ST7: variants seen among roughly 807,000 people sequenced by gnomAD.
The protein encoded by ST7 is suppression of tumorigenicity 7.
In ST7, 28 loss-of-function variants were observed where a neutral mutation model predicts 78.7. The observed-to-expected ratio is 0.36, with a 90% confidence interval of 0.26 to 0.49. The LOEUF is 0.49. Among genes scored for constraint, ST7 ranks in the 20% least tolerant of loss-of-function variants. The pLI is 0.99. For missense variants in ST7, 418 were observed against 696.0 expected, an observed-to-expected ratio of 0.60 and a Z score of 4.49; for synonymous variants, 247 against 249.6, an observed-to-expected ratio of 0.99 and a Z score of 0.10.
intron 1 of ST7, among the ~76,000 whole-genome samples, chr7:117,006,071 G>A (rs1402900108): frequency 6.6e-6 from 1 of 152,176 alleles, no homozygotes; most frequent in Non-Finnish European, 1.5e-5. Flanking sequence ...GAGGCACAGA[G>A]TTGCCTAAAG....
At chr7:117,102,563 A>G (rs1401595886) in intron 2 of ST7, among the ~76,000 whole-genome samples, 1 of 152,222 alleles carries the variant, frequency 6.6e-6, no homozygotes, top group African/African-American at 2.4e-5. Context: ...TGAATCTCTC[A>G]ATCCAAAGGT....
chr7:117,186,641 C>T (rs1422470931), intron 10 of ST7, among the ~76,000 whole-genome samples: 2 of 152,180 alleles, frequency 1.3e-5, no homozygotes, highest in African/African-American at 2.4e-5. Flanking sequence ...ATATTTGGTG[C>T]ATATTATTCC....
At chr7:117,025,982 G>A (rs1796163831) in intron 1 of ST7, among the ~76,000 whole-genome samples, 1 of 151,998 alleles carries the variant, frequency 6.6e-6, no homozygotes, top group African/African-American at 2.4e-5. Context: ...CTATTTGTTA[G>A]TCTGTAGTTT....
At chr7:117,154,675 G>T (rs866133459) in intron 9 of ST7, among the ~76,000 whole-genome samples, 1 of 152,210 alleles carries the variant, frequency 6.6e-6, no homozygotes, top group Admixed American at 6.5e-5. Flanking sequence ...GGTTTACTGG[G>T]TAGTTTTGGC....
chr7:117,229,256 A>G (rs1793638578), intron 15 of ST7, among the ~76,000 whole-genome samples: 1 of 152,214 alleles, frequency 6.6e-6, no homozygotes, highest in African/African-American at 2.4e-5. Context: ...TGGCTCAGAA[A>G]GGAGCCCACG....
intron 1 of ST7, among the ~76,000 whole-genome samples, chr7:117,088,413 A>G (rs1800324013): frequency 1.3e-5 from 2 of 152,254 alleles, no homozygotes; most frequent in Non-Finnish European, 2.9e-5. Flanking sequence ...TAATAAATGT[A>G]GAGCATATAT....
At chr7:116,986,121 C>A (rs1311044480) in intron 1 of ST7, among the ~76,000 whole-genome samples, 1 of 152,244 alleles carries the variant, frequency 6.6e-6, no homozygotes, top group Non-Finnish European at 1.5e-5. Context: ...ATGTGAGCCA[C>A]CACGCCCAGC....
intron 12 of ST7, among the ~76,000 whole-genome samples, chr7:117,194,300 A>G (rs1287044796): frequency 1.3e-5 from 2 of 152,090 alleles, no homozygotes; most frequent in African/African-American, 2.4e-5. Flanking sequence ...TCATAATCTG[A>G]CCCAACTTGT....
At chr7:117,079,617 T>C (rs931719123) in intron 1 of ST7, among the ~76,000 whole-genome samples, 1 of 152,234 alleles carries the variant, frequency 6.6e-6, no homozygotes, top group Non-Finnish European at 1.5e-5. Context: ...AACTGAAATA[T>C]TTTTTGAAAA....
At chr7:117,163,972 A>G (rs555971811) in intron 9 of ST7, among the ~76,000 whole-genome samples, 92 of 152,270 alleles carry the variant, frequency 6.0e-4, no homozygotes, top group Non-Finnish European at 1.1e-3. Context: ...TGCAATCTGT[A>G]TCAAAATACC....
intron 1 of ST7, among the ~76,000 whole-genome samples, chr7:116,971,883 A>T (rs1290017943): frequency 6.6e-6 from 1 of 152,254 alleles, no homozygotes; most frequent in Non-Finnish European, 1.5e-5. Context: ...GGTAATCACA[A>T]ATGTGTACAT....
At position 117,208,902 on chromosome 7, in the gene ST7, G is replaced by GGGGTGT. The variant is rs1358721785; in HGVS notation, c.1255-884_1255-883insGGTGTG. Among the ~76,000 whole-genome samples, 210 of 139,888 alleles carry GGGGTGT rather than the reference G, an allele frequency of 1.5e-3. 2 individuals carry two copies. The highest frequency in any genetic ancestry group is 5.2e-3 in the African/African-American group (193 of 36,944). The allele number at this position is 139,888 out of a possible 152,430, so 91.8% of individuals were successfully genotyped here. On this transcript the variant is annotated intron_variant, in intron 12 of 15. Coordinates refer to ENST00000323984, the MANE Select transcript of ST7 (RefSeq NM_001369598.1). ...TGGTGGTGGGGTGGGTGTATGTGTG[G>GGGGTGT]GTGTGTGTGTGTGTGTGTGTGTGTG...
In ST7 at chr7:117,031,866, C is replaced by A. The variant is rs1028262374; in HGVS notation, c.152-67896C>A. On this transcript the variant is annotated intron_variant, in intron 1 of 15. Transcript: ENST00000323984. ...TATATCTATATCTATATCTATCTAT[C>A]TATCTATATATATATATTTTTTTTT... is the stretch of plus-strand genomic sequence containing the variant. 1.5e-3 allele frequency among the ~76,000 whole-genome samples: 192 copies of A among 125,640 alleles called. 8 individuals carry two copies. The highest frequency in any genetic ancestry group is 2.3e-3 in the Non-Finnish European group (140 of 61,214). 82.4% of individuals were successfully genotyped at this position (125,640 alleles called of 152,430 possible).
chr7:117,025,305 A>C (rs1796129810), intron 1 of ST7, among the ~76,000 whole-genome samples: 1 of 152,186 alleles, frequency 6.6e-6, no homozygotes, highest in African/African-American at 2.4e-5. Context: ...GCATCTAATT[A>C]TTACTAAATC....
chr7:117,027,604 G>A (rs777830245), intron 1 of ST7, among the ~76,000 whole-genome samples: 4 of 151,606 alleles, frequency 2.6e-5, no homozygotes, highest in African/African-American at 4.9e-5. Flanking sequence ...GACTCTGGGC[G>A]GGACATGGTG....
chr7:117,020,630 G>A, intron 1 of ST7: 1 of 1,550,362 alleles, frequency 6.5e-7, no homozygotes, highest in Non-Finnish European at 8.7e-7. Context: ...GAATCTTCAT[G>A]TAAGTAAATG....
intron 9 of ST7, among the ~76,000 whole-genome samples, chr7:117,148,151 A>T (rs1408134492): frequency 1.3e-5 from 2 of 152,000 alleles, no homozygotes; most frequent in Non-Finnish European, 2.9e-5. Context: ...CTGTTTATTA[A>T]TCTGTTTTTT....
At chr7:117,100,439 A>C (rs1006458107) in intron 2 of ST7, among the ~76,000 whole-genome samples, 2 of 152,110 alleles carry the variant, frequency 1.3e-5, no homozygotes, top group African/African-American at 4.8e-5. Context: ...GCGCCATTGC[A>C]CTCCAGCCTG....
chr7:117,197,743 A>G (rs1381368222), intron 12 of ST7, among the ~76,000 whole-genome samples: 1 of 152,236 alleles, frequency 6.6e-6, no homozygotes, highest in African/African-American at 2.4e-5. Context: ...TTGTGAGGCA[A>G]AACATTATAA....
Sources: gnomAD v4.1 joint callset for allele counts (sites outside exome capture counted in the v4.1 genomes callset) on GRCh38, gnomAD v4.1.1 for gene constraint, MANE v1.5 for transcripts, NCBI Gene and HGNC (gene_info 2026-07-23, HGNC 2026-07-21) for gene names.